Variants in PPP1R9A observed in about 807,000 individuals in gnomAD.
PPP1R9A encodes the protein protein phosphatase 1 regulatory subunit 9A, also known as neurabin-1.
PPP1R9A carries 59 observed loss-of-function variants against 141.9 expected under a neutral mutation model. The observed-to-expected ratio is 0.42, with a 90% CI of 0.34 to 0.52. The LOEUF (loss-of-function observed/expected upper bound fraction) is 0.52, where lower values mean the gene tolerates loss of function less well. Among genes scored for constraint, PPP1R9A ranks in the 20% least tolerant of loss-of-function variants. The probability of loss-of-function intolerance (pLI) is 0.10; values close to 1 mark genes in which losing one functional copy is unlikely to be tolerated. For missense variants in PPP1R9A, 1,444 were observed against 1,611.9 expected (o/e 0.90, Z 1.78); for synonymous variants, 500 against 569.7 (o/e 0.88, Z 1.74).
intron 8 of PPP1R9A, among the ~76,000 whole-genome samples, chr7:95,234,150 C>G (rs1585383106): frequency 6.6e-6 from 1 of 152,192 alleles, no homozygotes; most frequent in East Asian, 1.9e-4. Context: ...TCAGTACTTG[C>G]ATTCAACATA....
At chr7:95,269,061 T>C in intron 13 of PPP1R9A, 146 bp from the exon 14 acceptor site, 1 of 731,158 alleles carries the variant, frequency 1.4e-6, no homozygotes, top group South Asian at 2.1e-5. Flanking sequence ...TGAATTGGTA[T>C]GAACCATGCA....
chr7:95,125,952 A>G (rs1326833862), intron 4 of PPP1R9A, among the ~76,000 whole-genome samples: 1 of 152,174 alleles, frequency 6.6e-6, no homozygotes, highest in East Asian at 1.9e-4. Context: ...AGTACCCTTC[A>G]GCCTAAGAGA....
intron 2 of PPP1R9A, among the ~76,000 whole-genome samples, chr7:94,957,147 C>T (rs567795552): frequency 2.6e-4 from 39 of 152,168 alleles, no homozygotes; most frequent in Admixed American, 3.3e-4. Flanking sequence ...ACAGTTTTAT[C>T]GGTTAATAAT....
intron 2 of PPP1R9A, among the ~76,000 whole-genome samples, chr7:95,076,452 C>G (rs1476515335): frequency 6.6e-6 from 1 of 152,068 alleles, no homozygotes; most frequent in Non-Finnish European, 1.5e-5. Context: ...ATCTCATAAA[C>G]CAAAGTTTTA....
At chr7:95,114,711 C>T (rs193067444) in intron 3 of PPP1R9A, among the ~76,000 whole-genome samples, 1 of 151,884 alleles carries the variant, frequency 6.6e-6, no homozygotes, top group Non-Finnish European at 1.5e-5. Context: ...ATAATGAACT[C>T]TATTTCAAGC....
intron 2 of PPP1R9A, among the ~76,000 whole-genome samples, chr7:95,002,780 C>T (rs139269662): frequency 3.9e-5 from 6 of 152,194 alleles, no homozygotes; most frequent in East Asian, 3.9e-4. Context: ...CTAACTTACC[C>T]GTACATAGTT....
At chr7:95,125,611 C>T (rs977702136) in intron 4 of PPP1R9A, among the ~76,000 whole-genome samples, 11 of 152,116 alleles carry the variant, frequency 7.2e-5, no homozygotes, top group African/African-American at 2.7e-4. Flanking sequence ...TGGTAACTGA[C>T]AAAGGATGTT....
intron 2 of PPP1R9A, among the ~76,000 whole-genome samples, chr7:95,055,084 C>T (rs1811334959): frequency 6.6e-6 from 1 of 152,070 alleles, no homozygotes; most frequent in African/African-American, 2.4e-5. Context: ...GACTGTCCTT[C>T]CCTCCTTGAT....
intron 8 of PPP1R9A, among the ~76,000 whole-genome samples, chr7:95,234,035 GT>G (rs1334538027): frequency 4.6e-5 from 7 of 152,010 alleles, no homozygotes; most frequent in African/African-American, 7.2e-5. Context: ...ATACCTTAAG[GT>G]AATAAAAGCC....
Position 94,953,138 on chromosome 7 carries a change from G to A in PPP1R9A, c.1395+41630G>A, listed in dbSNP as rs532786669. 2.6e-5 allele frequency among the ~76,000 whole-genome samples: 4 copies of A among 152,150 alleles called. No individual in the cohort carries two copies. In the East Asian group the frequency reaches 7.7e-4, roughly 29 times the overall value. On this transcript the variant is annotated intron_variant, in intron 2 of 19. Transcript: ENST00000433360. ...CCATCTTGAGTTAATTTTTGTATAT[G>A]GTGTAAGGAAGGGGTTCAGTTTCAG...
chr7:95,139,131 A>C (rs1264141200), intron 4 of PPP1R9A, among the ~76,000 whole-genome samples: 2 of 152,212 alleles, frequency 1.3e-5, no homozygotes, highest in Non-Finnish European at 2.9e-5. Context: ...GAAATACCCA[A>C]GGCTGGGTAA....
At chr7:95,202,567 A>G (rs1020149092) in intron 6 of PPP1R9A, 1 of 891,434 alleles carries the variant, frequency 1.1e-6, no homozygotes, top group Admixed American at 6.3e-5. Context: ...TAATAATCTG[A>G]AAGGTTGCCA....
At chr7:94,916,501 A>G (rs1016753262) in intron 2 of PPP1R9A, among the ~76,000 whole-genome samples, 1 of 152,200 alleles carries the variant, frequency 6.6e-6, no homozygotes, top group African/African-American at 2.4e-5. Flanking sequence ...GTTGGGTGGA[A>G]TAATATTCTC....
intron 14 of PPP1R9A, among the ~76,000 whole-genome samples, chr7:95,272,720 C>A (rs564972096): frequency 6.6e-6 from 1 of 152,022 alleles, no homozygotes; most frequent in Non-Finnish European, 1.5e-5. Flanking sequence ...AGGTGTATGT[C>A]GATGTGTGTT....
At chr7:95,155,448 C>T (rs1306868930) in intron 4 of PPP1R9A, 2 of 152,154 alleles carry the variant, frequency 1.3e-5, no homozygotes, top group Non-Finnish European at 2.9e-5. Context: ...ACCTTGGCCT[C>T]CCAAAGTGCT....
chr7:95,209,001 T>C (rs1481357384), intron 7 of PPP1R9A, among the ~76,000 whole-genome samples: 2 of 135,678 alleles, frequency 1.5e-5, no homozygotes, highest in Admixed American at 1.5e-4. Context: ...TCAGCAGAAT[T>C]ACTCCAGAAG....
chr7:95,184,591 A>G (rs758613826), intron 5 of PPP1R9A, among the ~76,000 whole-genome samples: 10 of 152,106 alleles, frequency 6.6e-5, no homozygotes, highest in Middle Eastern at 3.2e-3. Context: ...ACTGTTCCCA[A>G]TGTGTAGTCT....
intron 4 of PPP1R9A, among the ~76,000 whole-genome samples, chr7:95,133,532 T>C (rs1825062985): frequency 6.8e-6 from 1 of 148,068 alleles, no homozygotes; most frequent in Non-Finnish European, 1.5e-5. Context: ...TATATATATA[T>C]ATATATATAT....
At chr7:95,260,318 A>G (rs954347355) in intron 12 of PPP1R9A, among the ~76,000 whole-genome samples, 2 of 152,148 alleles carry the variant, frequency 1.3e-5, no homozygotes, top group Admixed American at 1.3e-4. Flanking sequence ...CATATTTCTC[A>G]CTGCATCTTC....
Sources: allele counts gnomAD v4.1 joint callset (sites outside exome capture counted in the v4.1 genomes callset), GRCh38; gene constraint gnomAD v4.1.1; transcripts MANE v1.5; gene names NCBI Gene and HGNC (gene_info 2026-07-23, HGNC 2026-07-21).